Variants in KSR2 observed in about 807,000 individuals in gnomAD.
The protein encoded by KSR2 is kinase suppressor of ras 2.
KSR2 carries 25 observed loss-of-function variants against 107.8 expected under a neutral mutation model. The observed-to-expected ratio is 0.23, with a 90% CI of 0.17 to 0.32. The LOEUF (loss-of-function observed/expected upper bound fraction) is 0.32. KSR2 is among the 10% of genes least tolerant of loss of function. The probability of loss-of-function intolerance (pLI) is 1.00; values close to 1 mark genes in which losing one functional copy is unlikely to be tolerated. For missense variants in KSR2, 887 were observed against 1,268.9 expected (o/e 0.70, Z 4.57); for synonymous variants, 480 against 507.0 (o/e 0.95, Z 0.71).
chr12:117,895,783 G>A (rs765210455), intron 1 of KSR2, among the ~76,000 whole-genome samples: 1 of 152,218 alleles, frequency 6.6e-6, no homozygotes, highest in Non-Finnish European at 1.5e-5. Flanking sequence ...ATAAGGCTGG[G>A]CATGGTGGCT....
intron 3 of KSR2, among the ~76,000 whole-genome samples, chr12:117,770,734 G>A (rs1317435011): frequency 1.3e-5 from 2 of 151,676 alleles, no homozygotes; most frequent in Non-Finnish European, 1.5e-5. Context: ...TTGAGAGGCC[G>A]AGGCAGGCAG....
chr12:117,772,785 C>G (rs552622994), intron 3 of KSR2, among the ~76,000 whole-genome samples: 2 of 152,092 alleles, frequency 1.3e-5, no homozygotes, highest in Non-Finnish European at 1.5e-5. Flanking sequence ...CAAAGACGCA[C>G]AAGCACACAC....
chr12:117,680,957 C>A (rs775264943), intron 4 of KSR2, among the ~76,000 whole-genome samples: 1 of 152,084 alleles, frequency 6.6e-6, no homozygotes, highest in Non-Finnish European at 1.5e-5. Flanking sequence ...CAGATAGCAA[C>A]GAGGAAATGC....
intron 5 of KSR2, among the ~76,000 whole-genome samples, chr12:117,637,422 C>T (rs377707882): frequency 6.6e-6 from 1 of 152,222 alleles, no homozygotes. Context: ...CTCAGGGTAG[C>T]CCCTACCACA....
intron 17 of KSR2, among the ~76,000 whole-genome samples, chr12:117,474,666 C>T (rs1871666164): frequency 6.6e-6 from 1 of 152,206 alleles, no homozygotes; most frequent in African/African-American, 2.4e-5. Flanking sequence ...CTCTTCCCTG[C>T]ATCCTGGCGC....
At chr12:117,662,067 C>A (rs986413362) in intron 5 of KSR2, among the ~76,000 whole-genome samples, 6 of 152,318 alleles carry the variant, frequency 3.9e-5, no homozygotes, top group Non-Finnish European at 7.3e-5. Context: ...CAACGTGGAA[C>A]CTCCTGTGTC....
intron 1 of KSR2, among the ~76,000 whole-genome samples, chr12:117,875,895 A>G (rs1452242879): frequency 2.6e-5 from 4 of 152,166 alleles, no homozygotes; most frequent in Non-Finnish European, 5.9e-5. Context: ...TGTCAGCTCA[A>G]GAGAGCACGG....
At chr12:117,957,565 G>A (rs1252912990) in intron 1 of KSR2, among the ~76,000 whole-genome samples, 5 of 152,094 alleles carry the variant, frequency 3.3e-5, no homozygotes, top group Admixed American at 3.3e-4. Flanking sequence ...CTTCCCAACA[G>A]TTGGGACCAC....
intron 1 of KSR2, among the ~76,000 whole-genome samples, chr12:117,944,932 G>A (rs1465953156): frequency 6.6e-6 from 1 of 151,996 alleles, no homozygotes; most frequent in Non-Finnish European, 1.5e-5. Flanking sequence ...TATTATATCA[G>A]AGAAAATAGT....
intron 4 of KSR2, among the ~76,000 whole-genome samples, chr12:117,730,308 C>T (rs1887610255): frequency 6.6e-6 from 1 of 152,102 alleles, no homozygotes; most frequent in Admixed American, 6.5e-5. Context: ...TAAAACCTAC[C>T]TCGTGGGATG....
intron 3 of KSR2, among the ~76,000 whole-genome samples, chr12:117,809,502 T>C (rs939921536): frequency 2.0e-5 from 3 of 152,150 alleles, no homozygotes; most frequent in East Asian, 3.8e-4. Context: ...CCAGTTGAGA[T>C]TCACCAATCG....
chr12:117,831,654 C>T (rs1188975183), intron 3 of KSR2, among the ~76,000 whole-genome samples: 2 of 152,210 alleles, frequency 1.3e-5, no homozygotes, highest in Non-Finnish European at 2.9e-5. Context: ...GCACCCACAG[C>T]AACTCCATGC....
chr12:117,917,943 A>C (rs1038939130), intron 1 of KSR2, among the ~76,000 whole-genome samples: 2 of 152,164 alleles, frequency 1.3e-5, no homozygotes, highest in African/African-American at 4.8e-5. Context: ...GAAGCAGAAG[A>C]TCCAACCGTG....
intron 9 of KSR2, among the ~76,000 whole-genome samples, chr12:117,541,651 G>A (rs907105442): frequency 2.6e-5 from 4 of 152,088 alleles, no homozygotes; most frequent in African/African-American, 9.7e-5. Flanking sequence ...AGATGGTATA[G>A]TGTGGTCAAC....
chr12:117,798,688 G>C (rs1890720056), intron 3 of KSR2, among the ~76,000 whole-genome samples: 1 of 133,064 alleles, frequency 7.5e-6, no homozygotes, highest in Non-Finnish European at 1.5e-5. Flanking sequence ...AGGAGGAAAA[G>C]GGGGAGGTAG....
chr12:117,580,369 A>T (rs1879567761), intron 6 of KSR2, among the ~76,000 whole-genome samples: 1 of 152,190 alleles, frequency 6.6e-6, no homozygotes, highest in East Asian at 1.9e-4. Context: ...TGTTTTGCAG[A>T]ATTTGGCAGC....
chr12:117,486,551 C>T (rs374746617), intron 14 of KSR2, among the ~76,000 whole-genome samples: 36 of 152,284 alleles, frequency 2.4e-4, no homozygotes, highest in African/African-American at 7.5e-4. Context: ...ATTAATTTTC[C>T]ATCTACATCA....
intron 5 of KSR2, among the ~76,000 whole-genome samples, chr12:117,640,224 A>G (rs2393242): frequency 0.17 from 25,122 of 145,138 alleles, 2,162 homozygotes; most frequent in Middle Eastern, 0.24. Context: ...GGGGGTTCCA[A>G]TGAAGCTCTT....
chr12:117,826,354 C>T (rs1203051087), intron 3 of KSR2, among the ~76,000 whole-genome samples: 1 of 152,064 alleles, frequency 6.6e-6, no homozygotes, highest in African/African-American at 2.4e-5. Flanking sequence ...TGTGCAGCCT[C>T]AGCCAGAGCT....
Sources: allele counts gnomAD v4.1 joint callset (sites outside exome capture counted in the v4.1 genomes callset), GRCh38; gene constraint gnomAD v4.1.1; transcripts MANE v1.5; gene names NCBI Gene and HGNC (gene_info 2026-07-23, HGNC 2026-07-21).